MEGF8: variants seen among roughly 807,000 people sequenced by gnomAD.
The protein encoded by MEGF8 is multiple epidermal growth factor-like domains protein 8.
MEGF8 carries 156 observed loss-of-function variants against 302.9 expected under a neutral mutation model. The ratio of observed to expected loss-of-function variants is 0.52; its 90% confidence interval spans 0.45 to 0.59. The LOEUF (loss-of-function observed/expected upper bound fraction) is 0.59. Among genes scored for constraint, MEGF8 ranks in the 20% least tolerant of loss-of-function variants. MEGF8 has a pLI of 0.00. For missense variants in MEGF8, 3,345 were observed against 3,964.5 expected (o/e 0.84, Z 4.20); for synonymous variants, 1,621 against 1,660.5 (o/e 0.98, Z 0.58).
chr19:42,334,508 C>T (rs2039098428), intron 3 of MEGF8, among the ~76,000 whole-genome samples: 1 of 152,166 alleles, frequency 6.6e-6, no homozygotes, highest in Non-Finnish European at 1.5e-5. Flanking sequence ...ATCTGTCCTC[C>T]CATCCAGCCA....
chr19:42,354,481 T>C lies in MEGF8; in HGVS notation c.4012-107T>C. The C allele has an allele frequency of 7.7e-7, 1 of 1,291,410 alleles. No individual in the cohort carries two copies. The highest frequency in any genetic ancestry group is 2.0e-5 in the Admixed American group (1 of 49,856). The allele number at this position is 1,291,410 out of a possible 1,614,324, so 80.0% of individuals were successfully genotyped here. A position where few individuals can be genotyped will look rare whatever the true frequency, so the allele number is the denominator to read the frequency against. ...TCCCCTGGATGTTCAAACAGCCCAT[T>C]TCCCAGTCTCAGATTGCCCTCCCCT... On this transcript the variant is annotated intron_variant, in intron 22 of 41. Transcript: ENST00000251268. This position sits in a 1 kb window ranked among gnomAD's most constrained non-coding sequence, Gnocchi z 4.3.
Position 42,326,243 on chromosome 19 carries a change from G to A in MEGF8, c.-1G>A, listed in dbSNP as rs754900851. On this transcript the variant is annotated 5_prime_UTR_variant, in exon 1 of 42. Transcript: ENST00000251268. ...TCTAAGGGTCAGTGCAGGAGGCGGC[G>A]ATGGCCCTGGGCAAGGTTCTGGCCA... The A allele has an allele frequency of 6.5e-7, 1 of 1,526,916 alleles. No homozygotes were observed. The highest frequency in any genetic ancestry group is 8.7e-7 in the Non-Finnish European group (1 of 1,147,184). The allele number at this position is 1,526,916 out of a possible 1,614,324, so 94.6% of individuals were successfully genotyped here.
Position 42,356,018 on chromosome 19 carries a change from G to C in MEGF8, c.4392+13G>C, listed in dbSNP as rs1199168202. On this transcript the variant is annotated intron_variant, in intron 24 of 41. Transcript: ENST00000251268. The surrounding 1 kb of genome is among the most constrained non-coding windows in gnomAD (Gnocchi z 5.2). ...AACTTGTAACCAGGTACAGGTGGGA[G>C]AGGGCAAGTCTGGTGGGACAGGGCT... 1.2e-6 allele frequency: 2 copies of C among 1,608,892 alleles called. No individual in the cohort carries two copies. The highest frequency in any genetic ancestry group is 4.5e-5 in the East Asian group (2 of 44,736).
rs750318898 is a variant in MEGF8 at position 42,344,684 on chromosome 19, C to T, written c.1948C>T (p.Arg650Ter). The change falls in exon 12 of 42, where the codon CGA (arginine) becomes TGA (stop). Residue 650 changes from arginine (R) to a stop codon, truncating the protein, a stop_gained. Coordinates refer to ENST00000251268, the MANE Select transcript of MEGF8 (RefSeq NM_001271938.2). LOFTEE classifies it high-confidence loss of function. The surrounding 1 kb of genome is among the most constrained non-coding windows in gnomAD (Gnocchi z 4.5). ...TGTCTTCTCAGAGCAGGCCCGCTGC[C>T]GAGGGGAGCAGATCTCAGGCACTGT... The part of the protein sequence containing the change: ...CLPRPEQARC[R>*]GEQISGTVGW... 4 of 1,586,668 alleles carry T rather than the reference C, an allele frequency of 2.5e-6. No individual in the cohort carries two copies. The highest frequency in any genetic ancestry group is 2.3e-5 in the East Asian group (1 of 44,376).
chr19:42,371,702 G>A (rs973429888), intron 41 of MEGF8, among the ~76,000 whole-genome samples: 1 of 152,174 alleles, frequency 6.6e-6, no homozygotes, highest in Non-Finnish European at 1.5e-5. Context: ...GGGACTCTCA[G>A]ACTGGTGGGG....
chr19:42,361,393 C>T (rs1388564226), intron 32 of MEGF8, among the ~76,000 whole-genome samples: 3 of 152,204 alleles, frequency 2.0e-5, no homozygotes, highest in Non-Finnish European at 2.9e-5. Flanking sequence ...TGCAGACATC[C>T]TGGACACTGA....
rs529330748 is a variant in MEGF8 at position 42,352,198 on chromosome 19, C to T, written c.3102-10C>T. Reference sequence around the variant, plus strand: ...GTTGTCCCCCGCTTCTTCACTCTCCCACCCTGCAGGTGCCTACAGGGGGAC... The same window carrying T: ...GTTGTCCCCCGCTTCTTCACTCTCCTACCCTGCAGGTGCCTACAGGGGGAC... On this transcript the variant is annotated splice_polypyrimidine_tract_variant and intron_variant, in intron 18 of 41. Transcript: ENST00000251268. The surrounding 1 kb of genome is among the most constrained non-coding windows in gnomAD (Gnocchi z 4.4). The T allele has an allele frequency of 7.0e-5, 105 of 1,510,680 alleles. No individual in the cohort carries two copies. Among genetic ancestry groups the T allele is most frequent in the Non-Finnish European group, 9.1e-5 (102 of 1,125,164 alleles). 93.6% of individuals were successfully genotyped at this position (1,510,680 alleles called of 1,614,324 possible).
Position 42,358,307 on chromosome 19 carries a change from G to T in MEGF8, c.5175G>T (p.Lys1725Asn). 6.2e-7 allele frequency: 1 copy of T among 1,600,016 alleles called. No homozygotes were observed. Among genetic ancestry groups the T allele is most frequent in the Non-Finnish European group, 8.5e-7 (1 of 1,173,620 alleles). Residue 1725 changes from lysine (K) to asparagine (N), a missense_variant and splice_region_variant, in exon 29 of 42, where the codon AAG becomes AAT. Transcript: ENST00000251268. This position sits in a 1 kb window ranked among gnomAD's most constrained non-coding sequence, Gnocchi z 4.4. ...WSLLAPSQGA[K>N]RDRMRNVRGS... ...TGCTGGCCCCTTCTCAGGGGGCAAA[G>T]GTCAGGAAAAGAGGCTCAGACCCAA... is the stretch of plus-strand genomic sequence containing the variant.
At chr19:42,371,219 A>T in intron 40 of MEGF8, 131 bp from the exon 41 acceptor site, 1 of 1,284,178 alleles carries the variant, frequency 7.8e-7, no homozygotes, top group Non-Finnish European at 1.1e-6. Flanking sequence ...GGCCTTGGGC[A>T]AACAGCTTGA....
At position 42,354,157 on chromosome 19, in the gene MEGF8, ACTC is replaced by A. The variant is rs1326901054; in HGVS notation, c.4011+140_4011+142del. The A allele has an allele frequency of 4.6e-6, 5 of 1,098,250 alleles. No individual in the cohort carries two copies. The highest frequency in any genetic ancestry group is 1.8e-5 in the South Asian group (1 of 55,368). The allele number at this position is 1,098,250 out of a possible 1,614,324, so 68.0% of individuals were successfully genotyped here. A position where few individuals can be genotyped will look rare whatever the true frequency, so the allele number is the denominator to read the frequency against. ...GTTTTTTTAATCCTTCAAAACCCAA[ACTC>A]CTCCTCAGATCCCCAGCACTTTGTT... is the stretch of plus-strand genomic sequence containing the variant. On this transcript the variant is annotated intron_variant, in intron 22 of 41. Coordinates refer to ENST00000251268, the MANE Select transcript of MEGF8 (RefSeq NM_001271938.2). The surrounding 1 kb of genome is among the most constrained non-coding windows in gnomAD (Gnocchi z 4.3).
chr19:42,373,707 T>A, intron 41 of MEGF8, among the ~76,000 whole-genome samples: 1 of 107,554 alleles, frequency 9.3e-6, no homozygotes, highest in East Asian at 2.7e-4. Context: ...GGCTTTTGGG[T>A]TTTTTTTTTT....
chr19:42,353,721 C>T lies in MEGF8; in HGVS notation c.3761+46C>T, dbSNP rs375071791. 39 of 1,573,264 alleles carry T rather than the reference C, an allele frequency of 2.5e-5. No homozygotes were observed. In the African/African-American group the frequency reaches 4.3e-4, roughly 17 times the overall value. ...GGGCTGGGTAGGGTGTGCTTGGGGA[C>T]ACAGTGGGGAGGGTCAGGACTGGTC... On this transcript the variant is annotated intron_variant, in intron 21 of 41. Transcript: ENST00000251268. This position sits in a 1 kb window ranked among gnomAD's most constrained non-coding sequence, Gnocchi z 6.1.
At position 42,378,139 on chromosome 19, in the gene MEGF8, C is replaced by T. The variant is rs1234881956; in HGVS notation, c.*1364C>T. On this transcript the variant is annotated 3_prime_UTR_variant, in exon 42 of 42. Transcript: ENST00000251268. ...AGGTCCAACTAGGGATACAGAAACA[C>T]TGAATATTTCAACAGCAGAAATTGA... 1 of 152,136 alleles carries T rather than the reference C, an allele frequency of 6.6e-6. No homozygotes were observed. The highest frequency in any genetic ancestry group is 1.5e-5 in the Non-Finnish European group (1 of 68,038). The allele number at this position is 152,136 out of a possible 1,614,324, so 9.4% of individuals were successfully genotyped here. A position where few individuals can be genotyped will look rare whatever the true frequency, so the allele number is the denominator to read the frequency against.
rs750660042 is a variant in MEGF8 at position 42,336,088 on chromosome 19, C to T, written c.986C>T (p.Ser329Leu). The T allele has an allele frequency of 9.4e-6, 15 of 1,600,804 alleles. No homozygotes were observed. Among genetic ancestry groups the T allele is most frequent in the South Asian group, 4.5e-5 (4 of 89,836 alleles). Residue 329 changes from serine (S) to leucine (L), a missense_variant, in exon 6 of 42, where the codon TCG (serine) becomes TTG (leucine). Coordinates refer to ENST00000251268, the MANE Select transcript of MEGF8 (RefSeq NM_001271938.2). The surrounding 1 kb of genome is among the most constrained non-coding windows in gnomAD (Gnocchi z 4.8). ...CTGGCACCACCTGCCTCCAGCTCCT[C>T]GGGGCCCCCAGGCCTGGCAGGTCAC... Reference protein sequence around the residue: ...ELLAPPASSSSGPPGLAGHAA... With the variant: ...ELLAPPASSSLGPPGLAGHAA...
intron 39 of MEGF8, 65 bp downstream of exon 39, chr19:42,370,424 G>T (rs951197337): frequency 2.9e-6 from 4 of 1,389,174 alleles, no homozygotes; most frequent in Non-Finnish European, 3.9e-6. Context: ...CTGGGTCTGA[G>T]GGAGGAGGGG....
intron 1 of MEGF8, among the ~76,000 whole-genome samples, chr19:42,327,325 G>C (rs1477724555): frequency 6.6e-6 from 1 of 152,256 alleles, no homozygotes; most frequent in Non-Finnish European, 1.5e-5. Context: ...AGGTCTTGGA[G>C]TCTAGTTGGG....
At position 42,347,534 on chromosome 19, in the gene MEGF8, A is replaced by G. The variant is rs893022056; in HGVS notation, c.2098-738A>G. Among the ~76,000 whole-genome samples the G allele has an allele frequency of 3.3e-5, 5 of 151,170 alleles. No homozygotes were observed. The East Asian group carries it at 9.7e-4, about 29-fold the overall frequency. On this transcript the variant is annotated intron_variant, in intron 12 of 41. Coordinates refer to ENST00000251268, the MANE Select transcript of MEGF8 (RefSeq NM_001271938.2). ...TGAGACGGAGTTTTGCTCTTGTTGC[A>G]CAGGCTGGAGTGCAATGGCGCAATC...
At chr19:42,362,996 G>A in intron 34 of MEGF8, 52 bp from the exon 35 acceptor site, 2 of 1,496,838 alleles carry the variant, frequency 1.3e-6, no homozygotes, top group East Asian at 2.3e-5. Flanking sequence ...AGGAGGGGCT[G>A]GGCTTGCGAT....
In MEGF8 at chr19:42,359,188, G is replaced by A. The variant is rs747286989; in HGVS notation, c.5434G>A (p.Asp1812Asn). The A allele has an allele frequency of 9.3e-6, 15 of 1,604,778 alleles. No homozygotes were observed. The highest frequency in any genetic ancestry group is 6.8e-5 in the Admixed American group (4 of 58,526). Reference protein sequence around the residue: ...GRSDPDEFSSDVLLYQVNCNA... With the variant: ...GRSDPDEFSSNVLLYQVNCNA... The stretch of plus-strand genomic sequence containing the variant: ...CTCGGACCCTGACGAGTTCAGCAGC[G>A]ACGTTCTGCTCTACCAGGTCAACTG... Residue 1812 changes from aspartate (D) to asparagine (N), a missense_variant, in exon 31 of 42, where the codon GAC (aspartate) becomes AAC (asparagine). Transcript: ENST00000251268.
Sources: allele counts gnomAD v4.1 joint callset (sites outside exome capture counted in the v4.1 genomes callset), GRCh38; gene constraint gnomAD v4.1.1; non-coding constraint Gnocchi (gnomAD v3.1); transcripts MANE v1.5; gene names NCBI Gene and HGNC (gene_info 2026-07-23, HGNC 2026-07-21).